OSR2: variants seen among roughly 807,000 people sequenced by gnomAD.
OSR2 encodes the protein protein odd-skipped-related 2.
A neutral mutation model predicts 22.3 loss-of-function variants in OSR2; 8 were observed. The observed-to-expected ratio is 0.36, with a 90% CI of 0.21 to 0.65. The LOEUF (loss-of-function observed/expected upper bound fraction) is 0.65, where lower values mean the gene tolerates loss of function less well. Among genes scored for constraint, OSR2 ranks in the 30% least tolerant of loss-of-function variants. The probability of loss-of-function intolerance (pLI) is 0.66; values close to 1 mark genes in which losing one functional copy is unlikely to be tolerated. For synonymous variants in OSR2, 179 were observed against 173.8 expected, an observed-to-expected ratio of 1.03 and a Z score of -0.23; for missense variants, 311 against 413.4, an observed-to-expected ratio of 0.75 and a Z score of 2.15.
chr8:98,950,506 G>C (rs1195848968), intron 2 of OSR2, 150 bp from the exon 3 acceptor site: 1 of 612,086 alleles, frequency 1.6e-6, no homozygotes, highest in Non-Finnish European at 2.8e-6. Context: ...TAACCATAAA[G>C]AGAATTACAC....
chr8:98,947,738 T>C (rs1461101858), intron 1 of OSR2, among the ~76,000 whole-genome samples: 1 of 151,980 alleles, frequency 6.6e-6, no homozygotes, highest in Non-Finnish European at 1.5e-5. Context: ...GCAGCCGCAC[T>C]CACCTCCAGG....
chr8:98,948,183 G>T lies in OSR2; in HGVS notation c.-114-656G>T, dbSNP rs1282812316. The T allele has an allele frequency of 7.1e-7, 1 of 1,412,292 alleles. No individual in the cohort carries two copies. The allele number at this position is 1,412,292 out of a possible 1,614,324, so 87.5% of individuals were successfully genotyped here. On this transcript the variant is annotated intron_variant, in intron 1 of 3. Coordinates refer to ENST00000297565, the MANE Select transcript of OSR2 (RefSeq NM_001142462.3). This position sits in a 1 kb window ranked among gnomAD's most constrained non-coding sequence, Gnocchi z 6.0. Reference sequence around the variant, plus strand: ...CGTCACCGCTGATAGATGGGGCTGAGGGCAGAGGAAGGAAAAAGAAAACCT... The same window carrying T: ...CGTCACCGCTGATAGATGGGGCTGATGGCAGAGGAAGGAAAAAGAAAACCT...
rs1415872168 is a variant in OSR2, at chr8:98,949,666, C to T, written c.656+58C>T. ...GAAAGCGAATTTGTCCTGGACACAC[C>T]GAGTCCTGATAGACATTCCCAGTGT... On this transcript the variant is annotated intron_variant, in intron 2 of 3. Transcript: ENST00000297565. The surrounding 1 kb of genome is among the most constrained non-coding windows in gnomAD (Gnocchi z 5.9). The T allele has an allele frequency of 6.5e-7, 1 of 1,535,270 alleles. No individual in the cohort carries two copies. The highest frequency in any genetic ancestry group is 1.4e-5 in the African/African-American group (1 of 72,690).
At chr8:98,950,913 A>G (rs1440406004) in intron 3 of OSR2, 158 bp downstream of exon 3, 4 of 656,294 alleles carry the variant, frequency 6.1e-6, no homozygotes, top group Middle Eastern at 2.5e-4. Flanking sequence ...AATACATAAA[A>G]TTAATCTTGT....
In OSR2 at chr8:98,951,823, C is replaced by CGCACCT. The variant is rs1426940724; in HGVS notation, c.*126_*131dup. ...ACCCCAGCTCTTCCCTTGCTGCAGC[C>CGCACCT]GCACCTGCAGCTCCAGGGAGTTAAC... On this transcript the variant is annotated 3_prime_UTR_variant, in exon 4 of 4. Coordinates refer to ENST00000297565, the MANE Select transcript of OSR2 (RefSeq NM_001142462.3). 11 of 948,248 alleles carry CGCACCT rather than the reference C, an allele frequency of 1.2e-5. No individual in the cohort carries two copies. Among genetic ancestry groups the CGCACCT allele is most frequent in the Admixed American group, 2.8e-5 (1 of 35,118 alleles). 58.7% of individuals were successfully genotyped at this position (948,248 alleles called of 1,614,324 possible). A position where few individuals can be genotyped will look rare whatever the true frequency, so the allele number is the denominator to read the frequency against.
intron 1 of OSR2, 65 bp downstream of exon 1, chr8:98,944,888 A>G (rs1410750776): frequency 2.6e-5 from 4 of 151,954 alleles, no homozygotes; most frequent in African/African-American, 9.7e-5. Flanking sequence ...GGGGTGTAAG[A>G]GGCGTTCAGA....
At chr8:98,946,613 T>C (rs1291477049) in intron 1 of OSR2, among the ~76,000 whole-genome samples, 1 of 152,230 alleles carries the variant, frequency 6.6e-6, no homozygotes, top group African/African-American at 2.4e-5. Context: ...CGTTAATTTC[T>C]GTATTATAAA....
In OSR2 at chr8:98,948,294, C is replaced by T. The variant is rs1310889998; in HGVS notation, c.-114-545C>T. Reference sequence around the variant, plus strand: ...GCGCGCCGGCTTCGCTCTTGCACGCCGGCTTGCCATCCGGGTAAGCGCGGG... The same window carrying T: ...GCGCGCCGGCTTCGCTCTTGCACGCTGGCTTGCCATCCGGGTAAGCGCGGG... On this transcript the variant is annotated intron_variant, in intron 1 of 3. Transcript: ENST00000297565. The surrounding 1 kb of genome is among the most constrained non-coding windows in gnomAD (Gnocchi z 6.0). 7 of 1,522,978 alleles carry T rather than the reference C, an allele frequency of 4.6e-6. No homozygotes were observed. Among genetic ancestry groups the T allele is most frequent in the Non-Finnish European group, 5.3e-6 (6 of 1,139,146 alleles). The allele number at this position is 1,522,978 out of a possible 1,614,324, so 94.3% of individuals were successfully genotyped here.
Position 98,950,599 on chromosome 8 carries a change from A to T in OSR2, c.657-57A>T. On this transcript the variant is annotated intron_variant, in intron 2 of 3. Coordinates refer to ENST00000297565, the MANE Select transcript of OSR2 (RefSeq NM_001142462.3). ...GACTTCCTTTTAAGTAATTGCTAAA[A>T]GTAACTCTTCACCATGGGGCAAAGT... 4.6e-6 allele frequency: 5 copies of T among 1,089,148 alleles called. No homozygotes were observed. In the South Asian group the frequency reaches 7.3e-5, roughly 16 times the overall value. The allele number at this position is 1,089,148 out of a possible 1,614,324, so 67.5% of individuals were successfully genotyped here. A position where few individuals can be genotyped will look rare whatever the true frequency, so the allele number is the denominator to read the frequency against.
rs373472912 is a variant in OSR2 at position 98,949,416 on chromosome 8, C to A, written c.464C>A (p.Pro155Gln). 1.2e-6 allele frequency: 2 copies of A among 1,613,824 alleles called. No individual in the cohort carries two copies. The highest frequency in any genetic ancestry group is 3.3e-5 in the Admixed American group (2 of 59,992). ...ATCTCGGGCCTCAGTAAATTGACTCCGGACAGAAAGCCCTCTCGAGGAAGG... is the reference window on the plus strand; with the variant it reads ...ATCTCGGGCCTCAGTAAATTGACTCAGGACAGAAAGCCCTCTCGAGGAAGG... ...SPISGLSKLT[P>Q]DRKPSRGRLP... The change falls in exon 2 of 4, where the codon CCG (proline) becomes CAG (glutamine). Residue 155 changes from proline to glutamine, a missense_variant. This residue lies in a region of OSR2 where 53 missense variants were observed against 59.5 expected (regional missense o/e 0.89). Transcript: ENST00000297565. The surrounding 1 kb of genome is among the most constrained non-coding windows in gnomAD (Gnocchi z 5.9).
In OSR2 at chr8:98,944,694, C is replaced by CGCGACTCCT. The variant is rs1439168925; in HGVS notation, c.-235_-227dup. 6.6e-6 allele frequency: 1 copy of CGCGACTCCT among 152,300 alleles called. No homozygotes were observed. Among genetic ancestry groups the CGCGACTCCT allele is most frequent in the Admixed American group, 6.5e-5 (1 of 15,290 alleles). 9.4% of individuals were successfully genotyped at this position (152,300 alleles called of 1,614,324 possible). On this transcript the variant is annotated 5_prime_UTR_variant, in exon 1 of 4. Coordinates refer to ENST00000297565, the MANE Select transcript of OSR2 (RefSeq NM_001142462.3). ...TGCTCGCGGTCCTCCAGATCATGTCCGCGACTCCTGCGACTCCGCGCGGAA... is the reference window on the plus strand; with the variant it reads ...TGCTCGCGGTCCTCCAGATCATGTCCGCGACTCCTGCGACTCCTGCGACTCCGCGCGGAA...
At chr8:98,945,649 A>G (rs1230727670) in intron 1 of OSR2, among the ~76,000 whole-genome samples, 1 of 152,214 alleles carries the variant, frequency 6.6e-6, no homozygotes, top group African/African-American at 2.4e-5. Flanking sequence ...TGCGGAAGGC[A>G]TCTTAATTTA....
Position 98,949,369 on chromosome 8 carries a change from G to A in OSR2, c.417G>A (p.Leu139=), listed in dbSNP as rs746162650. The change falls in exon 2 of 4, where the codon CTG becomes CTA. Residue 139 remains leucine (L), a synonymous_variant. Coordinates refer to ENST00000297565, the MANE Select transcript of OSR2 (RefSeq NM_001142462.3). This position sits in a 1 kb window ranked among gnomAD's most constrained non-coding sequence, Gnocchi z 5.9. ...CTAAGATGGGAGACCTGAGCAAGCT[G>A]AGCCCAGGACTGGGTAGCCCCATCT... The part of the protein sequence containing the change: ...DPPKMGDLSK[L]SPGLGSPISG... 5 of 1,613,066 alleles carry A rather than the reference G, an allele frequency of 3.1e-6. No individual in the cohort carries two copies. Among genetic ancestry groups the A allele is most frequent in the Non-Finnish European group, 4.2e-6 (5 of 1,179,284 alleles).
In OSR2 at chr8:98,951,595, A is replaced by G; in HGVS notation, c.833A>G (p.His278Arg). The G allele has an allele frequency of 6.2e-7, 1 of 1,614,000 alleles. No individual in the cohort carries two copies. Among genetic ancestry groups the G allele is most frequent in the South Asian group, 1.1e-5 (1 of 91,064 alleles). ...AATCTGAAAACTCACCTTCTCACCC[A>G]TACAGACATCAAGCCCTACAGCTGC... ...RSNLKTHLLT[H>R]TDIKPYSCEQ... The change falls in exon 4 of 4, where the codon CAT becomes CGT. Residue 278 changes from histidine (H) to arginine (R), a missense_variant. His to Arg is a conservative substitution (Grantham distance 29). This residue lies in a region of OSR2 where 70 missense variants were observed against 84.5 expected (regional missense o/e 0.83). Transcript: ENST00000297565.
Position 98,949,111 on chromosome 8 carries a change from C to T in OSR2, c.159C>T (p.His53=). Residue 53 remains histidine (H), a synonymous_variant, in exon 2 of 4, where the codon CAC becomes CAT. Transcript: ENST00000297565. The surrounding 1 kb of genome is among the most constrained non-coding windows in gnomAD (Gnocchi z 5.9). ...LSAVQTMHMN[H]WTLGYPNVHE... is the part of the protein sequence containing the mutation. Reference sequence around the variant, plus strand: ...CGGTACAGACCATGCACATGAACCACTGGACGCTGGGGTATCCCAATGTGC... The same window carrying T: ...CGGTACAGACCATGCACATGAACCATTGGACGCTGGGGTATCCCAATGTGC... The T allele has an allele frequency of 3.7e-6, 6 of 1,613,932 alleles. No homozygotes were observed. Among genetic ancestry groups the T allele is most frequent in the Non-Finnish European group, 5.1e-6 (6 of 1,179,888 alleles).
In OSR2 at chr8:98,949,084, C is replaced by T. The variant is rs1840704113; in HGVS notation, c.132C>T (p.Ser44=). ...ACCTGCAGGGCCTGTACGGTCTCAG[C>T]GCGGTACAGACCATGCACATGAACC... is the stretch of plus-strand genomic sequence containing the variant. ...VDHLQGLYGL[S]AVQTMHMNHW... is the part of the protein sequence containing the mutation. The change falls in exon 2 of 4, where the codon AGC becomes AGT. Residue 44 remains serine, a synonymous_variant. Coordinates refer to ENST00000297565, the MANE Select transcript of OSR2 (RefSeq NM_001142462.3). This position sits in a 1 kb window ranked among gnomAD's most constrained non-coding sequence, Gnocchi z 5.9. 3 of 1,613,928 alleles carry T rather than the reference C, an allele frequency of 1.9e-6. No homozygotes were observed. Among genetic ancestry groups the T allele is most frequent in the Non-Finnish European group, 2.5e-6 (3 of 1,179,898 alleles).
chr8:98,951,751 C>T lies in OSR2; in HGVS notation c.*50C>T. ...CGCCGCTGCTCCCCTCCCCAGACAC[C>T]TCTCCACGTCTCCTACCCAGGGGGT... On this transcript the variant is annotated 3_prime_UTR_variant, in exon 4 of 4. Transcript: ENST00000297565. 6.5e-7 allele frequency: 1 copy of T among 1,546,558 alleles called. No individual in the cohort carries two copies. The highest frequency in any genetic ancestry group is 8.7e-7 in the Non-Finnish European group (1 of 1,144,850).
chr8:98,951,690 C>T lies in OSR2; in HGVS notation c.928C>T (p.Gln310Ter). 6.2e-7 allele frequency: 1 copy of T among 1,612,996 alleles called. No individual in the cohort carries two copies. Among genetic ancestry groups the T allele is most frequent in the Admixed American group, 1.7e-5 (1 of 59,922 alleles). ...GCACAGCCTGACTCACACCCCGCGG[C>T]AGGACTTCTAGAGAAGCCCAGGATC... is the stretch of plus-strand genomic sequence containing the variant. The part of the protein sequence containing the change: ...RRHSLTHTPR[Q>*]DF The change falls in exon 4 of 4, where the codon CAG becomes TAG. Residue 310 changes from glutamine (Q) to a stop codon, truncating the protein, a stop_gained. Coordinates refer to ENST00000297565, the MANE Select transcript of OSR2 (RefSeq NM_001142462.3). LOFTEE classifies it high-confidence loss of function.
In OSR2 at chr8:98,951,807, C is replaced by G. The variant is rs748710240; in HGVS notation, c.*106C>G. 4 of 1,155,676 alleles carry G rather than the reference C, an allele frequency of 3.5e-6. No individual in the cohort carries two copies. The highest frequency in any genetic ancestry group is 4.8e-6 in the Non-Finnish European group (4 of 839,032). The allele number at this position is 1,155,676 out of a possible 1,614,324, so 71.6% of individuals were successfully genotyped here. On this transcript the variant is annotated 3_prime_UTR_variant, in exon 4 of 4. Transcript: ENST00000297565. The stretch of plus-strand genomic sequence containing the variant: ...CCCTAGCCCTTCACTGACCCCAGCT[C>G]TTCCCTTGCTGCAGCCGCACCTGCA...
Sources: allele counts gnomAD v4.1 joint callset (sites outside exome capture counted in the v4.1 genomes callset), GRCh38; gene constraint gnomAD v4.1.1; regional missense constraint gnomAD v4.1.1; non-coding constraint Gnocchi (gnomAD v3.1); transcripts MANE v1.5; gene names NCBI Gene and HGNC (gene_info 2026-07-23, HGNC 2026-07-21).